AKAP12: variants seen among roughly 807,000 people sequenced by gnomAD.
AKAP12 encodes A-kinase anchor protein 12.
In AKAP12, 32 loss-of-function variants were observed where a neutral mutation model predicts 79.9. The ratio of observed to expected loss-of-function variants is 0.40; its 90% CI spans 0.30 to 0.54. AKAP12 has a LOEUF of 0.54. Ranked by LOEUF, AKAP12 falls within the 20% of genes least tolerant of loss-of-function variation. The pLI is 0.48. For synonymous variants in AKAP12, 808 were observed against 857.0 expected (o/e 0.94, Z 1.00); for missense variants, 2,074 against 2,177.0 (o/e 0.95, Z 0.94).
chr6:151,327,062 G>A (rs779814190), intron 3 of AKAP12, among the ~76,000 whole-genome samples: 7 of 151,170 alleles, frequency 4.6e-5, no homozygotes, highest in Non-Finnish European at 1.0e-4. Context: ...TGATCTGCCC[G>A]CCTTGGTCTC....
intron 3 of AKAP12, among the ~76,000 whole-genome samples, chr6:151,319,308 G>A (rs866036308): frequency 1.3e-5 from 2 of 151,682 alleles, no homozygotes; most frequent in South Asian, 4.2e-4. Context: ...TTATCTATGT[G>A]CATAGCATGC....
chr6:151,303,596 G>C (rs1397291462), intron 2 of AKAP12, among the ~76,000 whole-genome samples: 3 of 152,308 alleles, frequency 2.0e-5, no homozygotes, highest in African/African-American at 7.2e-5. Context: ...TAAGTCAGTG[G>C]TGAGTCCAGA....
At chr6:151,335,625 C>A (rs1181437083) in intron 3 of AKAP12, among the ~76,000 whole-genome samples, 3 of 152,150 alleles carry the variant, frequency 2.0e-5, no homozygotes, top group Non-Finnish European at 4.4e-5. Context: ...GATGCACCAC[C>A]ACGCCCAGCT....
At chr6:151,337,524 A>AAAAAAAAAAAAAAAAAAAAAG (rs535027217) in intron 3 of AKAP12, among the ~76,000 whole-genome samples, 2 of 129,804 alleles carry the variant, frequency 1.5e-5, no homozygotes, top group African/African-American at 3.4e-5. Flanking sequence ...AAAAAAAAAA[A>AAAAAAAAAAAAAAAAAAAAAG]AAAGAAAGAA....
chr6:151,295,083 G>A (rs769429167), intron 2 of AKAP12, among the ~76,000 whole-genome samples: 18 of 152,194 alleles, frequency 1.2e-4, no homozygotes, highest in Non-Finnish European at 2.4e-4. Context: ...GTTGATACAC[G>A]CAGTATACTC....
At chr6:151,299,722 TTAAC>T (rs1192912997) in intron 2 of AKAP12, among the ~76,000 whole-genome samples, 2 of 152,078 alleles carry the variant, frequency 1.3e-5, no homozygotes, top group Non-Finnish European at 2.9e-5. Flanking sequence ...ATTTCATAAT[TTAAC>T]TACTCCCCTC....
chr6:151,357,708 A>C lies in AKAP12; in HGVS notation c.*1994A>C, dbSNP rs1236432657. 1 of 115,874 alleles carries C rather than the reference A, an allele frequency of 8.6e-6. No individual in the cohort carries two copies. The highest frequency in any genetic ancestry group is 3.9e-5 in the African/African-American group (1 of 25,632). 7.2% of individuals were successfully genotyped at this position (115,874 alleles called of 1,614,324 possible). ...CAAAAAACCTCTGATATATATATAT[A>C]ATTTTTTTTTTTTTTTTTTTTTGGC... On this transcript the variant is annotated 3_prime_UTR_variant, in exon 5 of 5. Transcript: ENST00000402676.
chr6:151,292,976 C>T (rs1776652161), intron 2 of AKAP12, among the ~76,000 whole-genome samples: 1 of 152,186 alleles, frequency 6.6e-6, no homozygotes. Flanking sequence ...ATCTTAGGGA[C>T]ACACCTTTGA....
intron 3 of AKAP12, among the ~76,000 whole-genome samples, chr6:151,331,872 G>A (rs1359695561): frequency 3.4e-4 from 47 of 138,794 alleles, no homozygotes; most frequent in African/African-American, 1.3e-3. Flanking sequence ...ACGACAGAGC[G>A]AGACTCCGTC....
intron 2 of AKAP12, among the ~76,000 whole-genome samples, chr6:151,261,661 A>G (rs1490843539): frequency 2.6e-5 from 4 of 151,038 alleles, no homozygotes; most frequent in Non-Finnish European, 5.9e-5. Context: ...TGATCATGCC[A>G]TTGCACTCCA....
At chr6:151,306,983 G>T (rs992959230) in intron 3 of AKAP12, among the ~76,000 whole-genome samples, 2 of 152,190 alleles carry the variant, frequency 1.3e-5, no homozygotes, top group Non-Finnish European at 2.9e-5. Flanking sequence ...CAACATGTGA[G>T]CTTACTATGA....
In AKAP12 at chr6:151,353,519, C is replaced by T; in HGVS notation, c.5128C>T (p.Gln1710Ter). Residue 1710 changes from glutamine (Q) to a stop codon, truncating the protein, a stop_gained, in exon 4 of 5, where the codon CAG becomes TAG. Coordinates refer to ENST00000402676, the MANE Select transcript of AKAP12 (RefSeq NM_005100.4). LOFTEE classifies it low-confidence loss of function (END_TRUNC). ...KGDDVDDPEN[Q>*]NSALADTDAS... ...TGATGATGTTGATGACCCTGAAAAC[C>T]AGAACTCAGCCCTGGCTGATACTGA... 1 of 1,614,098 alleles carries T rather than the reference C, an allele frequency of 6.2e-7. No homozygotes were observed. Among genetic ancestry groups the T allele is most frequent in the Non-Finnish European group, 8.5e-7 (1 of 1,180,004 alleles).
intron 2 of AKAP12, among the ~76,000 whole-genome samples, chr6:151,261,938 T>C (rs1054939094): frequency 6.6e-6 from 1 of 151,858 alleles, no homozygotes; most frequent in African/African-American, 2.4e-5. Context: ...AATAAATTAA[T>C]GCAAGTGGGT....
chr6:151,310,482 G>A (rs1777070536), intron 3 of AKAP12, among the ~76,000 whole-genome samples: 1 of 152,174 alleles, frequency 6.6e-6, no homozygotes, highest in African/African-American at 2.4e-5. Flanking sequence ...GGTGGCTCAC[G>A]CCTGTAATCA....
chr6:151,353,997 T>C (rs1410497201), intron 4 of AKAP12, among the ~76,000 whole-genome samples: 1 of 152,176 alleles, frequency 6.6e-6, no homozygotes, highest in Non-Finnish European at 1.5e-5. Context: ...GTGACTGCTT[T>C]AGAATAAAAT....
In AKAP12 at chr6:151,255,663, G is replaced by A. The variant is rs141367025; in HGVS notation, c.162+14939G>A. On this transcript the variant is annotated intron_variant, in intron 2 of 4. Coordinates refer to ENST00000402676, the MANE Select transcript of AKAP12 (RefSeq NM_005100.4). ...AAATTAGCCAAGCATGGTGGCATGT[G>A]CCTATAGTCCCAGCTACTCAGGAGG... Among the ~76,000 whole-genome samples, 942 of 152,130 alleles carry A rather than the reference G, an allele frequency of 6.2e-3. 12 individuals are homozygous for A. Among genetic ancestry groups the A allele is most frequent in the African/African-American group, 0.022 (899 of 41,528 alleles).
At chr6:151,332,289 GC>G (rs2114795550) in intron 3 of AKAP12, among the ~76,000 whole-genome samples, 1 of 152,098 alleles carries the variant, frequency 6.6e-6, no homozygotes, top group African/African-American at 2.4e-5. Flanking sequence ...GCCCGCCTCG[GC>G]CTCCCAAAGT....
chr6:151,280,163 A>G (rs1776373630), intron 2 of AKAP12, among the ~76,000 whole-genome samples: 1 of 151,918 alleles, frequency 6.6e-6, no homozygotes, highest in Non-Finnish European at 1.5e-5. Context: ...TAATGGCTAT[A>G]TGTTCAGTGA....
chr6:151,262,249 C>G (rs1394757329), intron 2 of AKAP12, among the ~76,000 whole-genome samples: 3 of 152,224 alleles, frequency 2.0e-5, no homozygotes, highest in Non-Finnish European at 4.4e-5. Flanking sequence ...GCCACTGCGC[C>G]CGGCCCAAAA....
Sources: allele counts gnomAD v4.1 joint callset (sites outside exome capture counted in the v4.1 genomes callset), GRCh38; gene constraint gnomAD v4.1.1; transcripts MANE v1.5; gene names NCBI Gene and HGNC (gene_info 2026-07-23, HGNC 2026-07-21).